Variants in DNAJC3 observed in about 807,000 individuals in gnomAD.
The protein encoded by DNAJC3 is dnaJ homolog subfamily C member 3.
A neutral mutation model predicts 68.6 loss-of-function variants in DNAJC3; 38 were observed. The observed-to-expected ratio is 0.55, with a 90% CI of 0.43 to 0.73. DNAJC3 has a LOEUF of 0.73. Ranked by LOEUF, DNAJC3 falls within the 30% of genes least tolerant of loss-of-function variation. DNAJC3 has a pLI of 0.00. For synonymous variants in DNAJC3, 203 were observed against 204.0 expected (o/e 1.00, Z 0.04); for missense variants, 526 against 591.9 (o/e 0.89, Z 1.16).
intron 1 of DNAJC3, among the ~76,000 whole-genome samples, chr13:95,705,701 G>A (rs1383169886): frequency 6.6e-6 from 1 of 151,968 alleles, no homozygotes; most frequent in Non-Finnish European, 1.5e-5. Flanking sequence ...ACCATGCCTG[G>A]CTAATTATTT....
At chr13:95,746,409 G>A (rs919063746) in intron 4 of DNAJC3, among the ~76,000 whole-genome samples, 5 of 152,136 alleles carry the variant, frequency 3.3e-5, no homozygotes, top group African/African-American at 9.7e-5. Context: ...TATACATTTT[G>A]TGTAAGTGGC....
rs9561943 is a variant in DNAJC3 at position 95,732,908 on chromosome 13, A to T, written c.393+7656A>T. 1.7e-4 allele frequency among the ~76,000 whole-genome samples: 26 copies of T among 151,562 alleles called. 1 individual carries two copies. In the East Asian group the frequency reaches 4.3e-3, roughly 25 times the overall value. On this transcript the variant is annotated intron_variant, in intron 4 of 11. Coordinates refer to ENST00000602402, the MANE Select transcript of DNAJC3 (RefSeq NM_006260.5). ...AAAAAATTTTTTTATTTCCATCTTA[A>T]TTTCTTGACAGAGTTTTCATGTATT...
intron 9 of DNAJC3, among the ~76,000 whole-genome samples, chr13:95,765,923 A>AAG (rs576477175): frequency 1.3e-5 from 2 of 151,978 alleles, no homozygotes; most frequent in Admixed American, 6.6e-5. Flanking sequence ...GAATTTATTA[A>AAG]AGAGAGAGAG....
intron 4 of DNAJC3, among the ~76,000 whole-genome samples, chr13:95,733,220 A>G (rs1220704923): frequency 2.0e-5 from 3 of 152,108 alleles, no homozygotes; most frequent in African/African-American, 7.2e-5. Context: ...TGTAATGCTG[A>G]GAGTGGGGTA....
chr13:95,723,264 T>C lies in DNAJC3; in HGVS notation c.216T>C (p.Ile72=). ...AAVDGDPDNY[I]AYYRRATVFL... ...CAGATGGTGACCCTGATAACTATAT[T>C]GCTTATTATCGGAGGGCTACTGTCT... The change falls in exon 3 of 12, where the codon ATT becomes ATC. Residue 72 remains isoleucine (I), a synonymous_variant. Coordinates refer to ENST00000602402, the MANE Select transcript of DNAJC3 (RefSeq NM_006260.5). 1 of 1,610,650 alleles carries C rather than the reference T, an allele frequency of 6.2e-7. No individual in the cohort carries two copies. The highest frequency in any genetic ancestry group is 8.5e-7 in the Non-Finnish European group (1 of 1,177,430).
chr13:95,680,085 T>TGGAATAGAAAGAAAA (rs1879873530), intron 1 of DNAJC3, among the ~76,000 whole-genome samples: 1 of 152,224 alleles, frequency 6.6e-6, no homozygotes, highest in Non-Finnish European at 1.5e-5. Context: ...ATCGAATTTT[T>TGGAATAGAAAGAAAA]GGAATAGAAA....
At chr13:95,768,653 C>T (rs973988711) in intron 9 of DNAJC3, among the ~76,000 whole-genome samples, 16 of 152,102 alleles carry the variant, frequency 1.1e-4, no homozygotes, top group African/African-American at 3.9e-4. Context: ...CCTAGGCCCA[C>T]CCTATCCCGC....
intron 1 of DNAJC3, among the ~76,000 whole-genome samples, chr13:95,692,119 GGGGAGAGGGAGA>G (rs370295448): frequency 5.4e-5 from 8 of 146,962 alleles, no homozygotes; most frequent in South Asian, 2.1e-4. Context: ...GGGAGACTGT[GGGGAGAGGGAGA>G]GGGAGAGGGA....
At chr13:95,706,803 C>A (rs1880765605) in intron 1 of DNAJC3, among the ~76,000 whole-genome samples, 1 of 152,204 alleles carries the variant, frequency 6.6e-6, no homozygotes, top group South Asian at 2.1e-4. Flanking sequence ...AATCTGTCCC[C>A]TTTCACAGGA....
intron 9 of DNAJC3, among the ~76,000 whole-genome samples, chr13:95,764,760 CATATAT>C (rs200982081): frequency 8.2e-4 from 86 of 105,164 alleles, no homozygotes; most frequent in African/African-American, 2.8e-3. Flanking sequence ...TATATATATA[CATATAT>C]ATATATAGTT....
intron 1 of DNAJC3, among the ~76,000 whole-genome samples, chr13:95,704,619 T>C (rs556639439): frequency 6.6e-6 from 1 of 152,306 alleles, no homozygotes; most frequent in South Asian, 2.1e-4. Flanking sequence ...ATGGTGGAGT[T>C]GGCAGAAGCA....
intron 1 of DNAJC3, among the ~76,000 whole-genome samples, chr13:95,688,742 T>C (rs1171681708): frequency 6.6e-6 from 1 of 152,124 alleles, no homozygotes; most frequent in East Asian, 1.9e-4. Context: ...CTTCAAGTGA[T>C]CCTCCCACCT....
intron 7 of DNAJC3, among the ~76,000 whole-genome samples, chr13:95,761,857 A>G (rs1183497363): frequency 6.6e-6 from 1 of 151,646 alleles, no homozygotes; most frequent in African/African-American, 2.4e-5. Flanking sequence ...CTTCTGCCTC[A>G]GCCTTCTGAG....
intron 9 of DNAJC3, among the ~76,000 whole-genome samples, chr13:95,777,964 C>T (rs1156547488): frequency 6.6e-6 from 1 of 151,816 alleles, no homozygotes; most frequent in Non-Finnish European, 1.5e-5. Context: ...ATTTATGGCC[C>T]AAATGGAATA....
At chr13:95,690,401 G>A (rs1242779440) in intron 1 of DNAJC3, among the ~76,000 whole-genome samples, 4 of 151,058 alleles carry the variant, frequency 2.6e-5, no homozygotes, top group East Asian at 1.9e-4. Context: ...ACACAGACAC[G>A]GCAACCATCC....
chr13:95,767,469 G>A (rs1204078435), intron 9 of DNAJC3, among the ~76,000 whole-genome samples: 1 of 152,174 alleles, frequency 6.6e-6, no homozygotes, highest in Non-Finnish European at 1.5e-5. Flanking sequence ...TATTGGAGTA[G>A]TGTAGCCATG....
intron 1 of DNAJC3, among the ~76,000 whole-genome samples, chr13:95,700,940 A>T (rs959743349): frequency 6.6e-6 from 1 of 152,196 alleles, no homozygotes; most frequent in East Asian, 1.9e-4. Flanking sequence ...TTATGTCATG[A>T]TGGCAAGGAG....
chr13:95,769,896 G>A (rs767420415), intron 9 of DNAJC3, among the ~76,000 whole-genome samples: 10 of 152,190 alleles, frequency 6.6e-5, no homozygotes, highest in Non-Finnish European at 1.3e-4. Flanking sequence ...ACCCATGAGC[G>A]TAATATGTAG....
intron 5 of DNAJC3, among the ~76,000 whole-genome samples, chr13:95,758,362 G>A (rs1882726835): frequency 6.6e-6 from 1 of 151,892 alleles, no homozygotes; most frequent in African/African-American, 2.4e-5. Flanking sequence ...TTGGCTGGGT[G>A]TGGTGGCTCA....
Sources: allele counts gnomAD v4.1 joint callset (sites outside exome capture counted in the v4.1 genomes callset), GRCh38; gene constraint gnomAD v4.1.1; transcripts MANE v1.5; gene names NCBI Gene and HGNC (gene_info 2026-07-23, HGNC 2026-07-21).